The following OSTM1 variants were observed in gnomAD, a reference collection of about 807,000 sequenced individuals.
OSTM1 encodes the protein osteopetrosis-associated transmembrane protein 1.
A neutral mutation model predicts 35.4 loss-of-function variants in OSTM1; 26 were observed. The ratio of observed to expected loss-of-function variants is 0.73; its 90% CI spans 0.54 to 1.02. The LOEUF (loss-of-function observed/expected upper bound fraction) is 1.02. Ranked by LOEUF, OSTM1 falls within the 50% of genes least tolerant of loss-of-function variation. The probability of loss-of-function intolerance (pLI) is 0.00; values close to 1 mark genes in which losing one functional copy is unlikely to be tolerated. For missense variants in OSTM1, 366 were observed against 409.6 expected (o/e 0.89, Z 0.92); for synonymous variants, 181 against 165.0 (o/e 1.10, Z -0.75).
chr6:108,066,100 A>C (rs1181588583), intron 1 of OSTM1, among the ~76,000 whole-genome samples: 1 of 152,200 alleles, frequency 6.6e-6, no homozygotes, highest in Non-Finnish European at 1.5e-5. Flanking sequence ...TAAAGGGCTA[A>C]GTTAGAACAA....
intron 5 of OSTM1, among the ~76,000 whole-genome samples, chr6:108,047,088 G>T (rs1197039983): frequency 6.6e-6 from 1 of 152,212 alleles, no homozygotes; most frequent in Non-Finnish European, 1.5e-5. Context: ...AAATGAAAAA[G>T]ATGATTTAAA....
chr6:108,062,108 G>C (rs987625972), intron 2 of OSTM1, among the ~76,000 whole-genome samples: 1 of 151,454 alleles, frequency 6.6e-6, no homozygotes, highest in Admixed American at 6.6e-5. Flanking sequence ...CCATGATAAA[G>C]TTTAATTTAT....
intron 2 of OSTM1, among the ~76,000 whole-genome samples, chr6:108,059,272 C>A (rs972202134): frequency 6.6e-6 from 1 of 152,212 alleles, no homozygotes; most frequent in Non-Finnish European, 1.5e-5. Context: ...ACTCTCTTTA[C>A]TTTTTGGCAG....
At chr6:108,057,243 T>C (rs1410286556) in intron 2 of OSTM1, among the ~76,000 whole-genome samples, 1 of 152,176 alleles carries the variant, frequency 6.6e-6, no homozygotes, top group Non-Finnish European at 1.5e-5. Flanking sequence ...CCCCTCTTAA[T>C]GCTAGTTTAA....
chr6:108,046,197 T>C (rs1771969455), intron 5 of OSTM1, among the ~76,000 whole-genome samples: 1 of 133,100 alleles, frequency 7.5e-6, no homozygotes, highest in Non-Finnish European at 1.5e-5. Flanking sequence ...TTTTTTGGTA[T>C]TTTTAGTAGA....
intron 2 of OSTM1, among the ~76,000 whole-genome samples, chr6:108,059,857 A>C (rs887227990): frequency 6.6e-6 from 1 of 152,196 alleles, no homozygotes; most frequent in Admixed American, 6.5e-5. Flanking sequence ...ATGAATGATG[A>C]TAATTTTTAA....
intron 2 of OSTM1, among the ~76,000 whole-genome samples, chr6:108,057,186 G>A (rs539633630): frequency 1.1e-4 from 17 of 152,220 alleles, no homozygotes; most frequent in African/African-American, 3.9e-4. Context: ...CTGTGATTGC[G>A]CCACTGCATT....
At position 108,041,488 on chromosome 6, in the gene OSTM1, T is replaced by C. The variant is rs562382883; in HGVS notation, c.*3297A>G. ...TTAAACATGTTACATGTATGACTAA[T>C]ATTTATTATAGCTAATATAATAGTT... On this transcript the variant is annotated 3_prime_UTR_variant, in exon 6 of 6. Transcript: ENST00000193322. 6.6e-6 allele frequency: 1 copy of C among 152,360 alleles called. No individual in the cohort carries two copies. The highest frequency in any genetic ancestry group is 1.5e-5 in the Non-Finnish European group (1 of 68,038). The allele number at this position is 152,360 out of a possible 1,614,324, so 9.4% of individuals were successfully genotyped here.
At chr6:108,071,957 T>C (rs1238446005) in intron 1 of OSTM1, among the ~76,000 whole-genome samples, 1 of 152,176 alleles carries the variant, frequency 6.6e-6, no homozygotes, top group Non-Finnish European at 1.5e-5. Flanking sequence ...GGAATTCATA[T>C]GGAAATTCAC....
chr6:108,044,573 T>C lies in OSTM1; in HGVS notation c.*212A>G, dbSNP rs17069239. On this transcript the variant is annotated 3_prime_UTR_variant, in exon 6 of 6. Transcript: ENST00000193322. ...CAAATACACATTAAAATAGATAACA[T>C]TGCTATGCCTGGAAATTAAAAATAT... 3,922 of 449,262 alleles carry C rather than the reference T, an allele frequency of 8.7e-3. 44 individuals carry two copies. Among genetic ancestry groups the C allele is most frequent in the African/African-American group, 0.039 (2,002 of 50,706 alleles). 27.8% of individuals were successfully genotyped at this position (449,262 alleles called of 1,614,324 possible).
At chr6:108,070,119 C>G in intron 1 of OSTM1, among the ~76,000 whole-genome samples, 1 of 151,998 alleles carries the variant, frequency 6.6e-6, no homozygotes, top group East Asian at 1.9e-4. Context: ...TTCACTGAAA[C>G]CTCAGCCTCC....
Position 108,042,414 on chromosome 6 carries a change from CTTTTTTTTTTT to C in OSTM1, c.*2360_*2370del. 7.7e-6 allele frequency: 1 copy of C among 129,304 alleles called. No individual in the cohort carries two copies. Among genetic ancestry groups the C allele is most frequent in the South Asian group, 2.5e-4 (1 of 3,922 alleles). 8.0% of individuals were successfully genotyped at this position (129,304 alleles called of 1,614,324 possible). ...TAAGACAGACAGTACTTTCTTTTTT[CTTTTTTTTTTT>C]TTTTTTTTGAGACAAGGTCTGGCTC... is the stretch of plus-strand genomic sequence containing the variant. On this transcript the variant is annotated 3_prime_UTR_variant, in exon 6 of 6. Transcript: ENST00000193322.
chr6:108,057,847 TA>T (rs1302584398), intron 2 of OSTM1, among the ~76,000 whole-genome samples: 1 of 152,102 alleles, frequency 6.6e-6, no homozygotes, highest in Non-Finnish European at 1.5e-5. Context: ...AGCTTAAGAT[TA>T]TAAACAGTGA....
rs61198248 is a variant in OSTM1 at position 108,054,442 on chromosome 6, C to T, written c.615+48G>A. 1,295 of 846,082 alleles carry T rather than the reference C, an allele frequency of 1.5e-3. 11 individuals are homozygous for T. In the African/African-American group the frequency reaches 0.021, roughly 13 times the overall value. 52.4% of individuals were successfully genotyped at this position (846,082 alleles called of 1,614,324 possible). Reference sequence around the variant, plus strand: ...TAAAAACTTGGAACTGCACATTATTCCTTTGTACAAGGCAGCATTTTAATT... The same window carrying T: ...TAAAAACTTGGAACTGCACATTATTTCTTTGTACAAGGCAGCATTTTAATT... On this transcript the variant is annotated intron_variant, in intron 3 of 5. Transcript: ENST00000193322.
At chr6:108,066,451 C>T (rs1280583218) in intron 1 of OSTM1, among the ~76,000 whole-genome samples, 2 of 152,026 alleles carry the variant, frequency 1.3e-5, no homozygotes. Context: ...TCAGAGGTGA[C>T]TGAGAAGGAA....
At position 108,074,706 on chromosome 6, in the gene OSTM1, C is replaced by T; in HGVS notation, c.-55G>A. The T allele has an allele frequency of 6.9e-7, 1 of 1,448,984 alleles. No individual in the cohort carries two copies. Among genetic ancestry groups the T allele is most frequent in the Non-Finnish European group, 9.0e-7 (1 of 1,108,438 alleles). The allele number at this position is 1,448,984 out of a possible 1,614,324, so 89.8% of individuals were successfully genotyped here. A position where few individuals can be genotyped will look rare whatever the true frequency, so the allele number is the denominator to read the frequency against. ...CCGCCGCCTCTCCGCCCCCAGCCGG[C>T]ACCGCGGACAGCCGCCGCTTCCGGT... On this transcript the variant is annotated 5_prime_UTR_variant, in exon 1 of 6. Transcript: ENST00000193322.
intron 2 of OSTM1, among the ~76,000 whole-genome samples, chr6:108,062,235 T>C (rs1298409585): frequency 6.6e-6 from 1 of 152,168 alleles, no homozygotes; most frequent in Non-Finnish European, 1.5e-5. Flanking sequence ...CCATGACAGT[T>C]GACCTTATAA....
At chr6:108,067,850 A>T (rs1162434604) in intron 1 of OSTM1, among the ~76,000 whole-genome samples, 2 of 151,262 alleles carry the variant, frequency 1.3e-5, no homozygotes, top group African/African-American at 4.9e-5. Context: ...AAAAAAAAAA[A>T]ATAGAGAAAG....
intron 1 of OSTM1, among the ~76,000 whole-genome samples, chr6:108,069,186 T>C (rs907595851): frequency 6.6e-6 from 1 of 152,256 alleles, no homozygotes; most frequent in Non-Finnish European, 1.5e-5. Flanking sequence ...ATTTGTATAA[T>C]GAGATGCTTA....
Sources: gnomAD v4.1 joint callset for allele counts (sites outside exome capture counted in the v4.1 genomes callset) on GRCh38, gnomAD v4.1.1 for gene constraint, MANE v1.5 for transcripts, NCBI Gene and HGNC (gene_info 2026-07-23, HGNC 2026-07-21) for gene names.